GPR158: variants seen among roughly 807,000 people sequenced by gnomAD.
GPR158 encodes metabotropic glycine receptor.
Under a neutral mutation model 78.2 loss-of-function variants are expected in GPR158, and 30 were observed. That is an observed-to-expected ratio of 0.38 (90% CI 0.29 to 0.52). The LOEUF is 0.52. Ranked by LOEUF, GPR158 falls within the 20% of genes least tolerant of loss-of-function variation. The pLI is 0.83. For synonymous variants in GPR158, 581 were observed against 591.1 expected, an observed-to-expected ratio of 0.98 and a Z score of 0.25; for missense variants, 1,463 against 1,523.5, an observed-to-expected ratio of 0.96 and a Z score of 0.66.
chr10:25,507,134 G>A (rs2130664655), intron 5 of GPR158, among the ~76,000 whole-genome samples: 1 of 152,328 alleles, frequency 6.6e-6, no homozygotes, highest in African/African-American at 2.4e-5. Flanking sequence ...AGCATTGCTA[G>A]CCATAGGACA....
At chr10:25,390,508 G>A (rs753667689) in intron 2 of GPR158, among the ~76,000 whole-genome samples, 6 of 152,332 alleles carry the variant, frequency 3.9e-5, no homozygotes, top group Middle Eastern at 3.4e-3. Flanking sequence ...TTCTGCCCCT[G>A]CCCTAGAGAT....
intron 2 of GPR158, among the ~76,000 whole-genome samples, chr10:25,343,199 T>TTAGCAAAAA (rs1417769422): frequency 6.6e-6 from 1 of 151,958 alleles, no homozygotes; most frequent in East Asian, 1.9e-4. Context: ...TGTCTAGAAT[T>TTAGCAAAAA]TCCAAAATTT....
chr10:25,504,974 C>T (rs1208739141), intron 5 of GPR158, among the ~76,000 whole-genome samples: 2 of 152,180 alleles, frequency 1.3e-5, no homozygotes, highest in Non-Finnish European at 2.9e-5. Context: ...CACCTACTAG[C>T]TGTGCAGTCT....
Position 25,563,762 on chromosome 10 carries a change from C to G in GPR158, c.1515-8887C>G, listed in dbSNP as rs143856026. ...TATTGTTGCAAATTATATCTTTAAG[C>G]ATTATGAACTCATTAACACAGATTT... On this transcript the variant is annotated intron_variant, in intron 6 of 10. Coordinates refer to ENST00000376351, the MANE Select transcript of GPR158 (RefSeq NM_020752.3). Among the ~76,000 whole-genome samples, 839 of 151,860 alleles carry G rather than the reference C, an allele frequency of 5.5e-3. 4 individuals are homozygous for G. The highest frequency in any genetic ancestry group is 0.019 in the African/African-American group (797 of 41,210).
Position 25,392,315 on chromosome 10 carries a change from C to G in GPR158, c.1009-3596C>G, listed in dbSNP as rs144304641. ...GCACACAGTGTGTGGACCCCACACT[C>G]ACTCACACACCCCCACTGCTCCACA... On this transcript the variant is annotated intron_variant, in intron 2 of 10. Coordinates refer to ENST00000376351, the MANE Select transcript of GPR158 (RefSeq NM_020752.3). Among the ~76,000 whole-genome samples the G allele has an allele frequency of 1.1e-3, 160 of 152,266 alleles. 1 individual carries two copies. The highest frequency in any genetic ancestry group is 3.7e-3 in the African/African-American group (152 of 41,528).
intron 7 of GPR158, among the ~76,000 whole-genome samples, chr10:25,580,252 T>C (rs1837170518): frequency 6.6e-6 from 1 of 152,234 alleles, no homozygotes; most frequent in Non-Finnish European, 1.5e-5. Context: ...AAAGTATTAG[T>C]TTCCATGGAT....
At chr10:25,448,741 GA>G in intron 4 of GPR158, among the ~76,000 whole-genome samples, 1 of 152,240 alleles carries the variant, frequency 6.6e-6, no homozygotes, top group East Asian at 1.9e-4. Context: ...TCAATGTATG[GA>G]AATTCCATTT....
chr10:25,468,406 TG>T (rs1454923350), intron 5 of GPR158, among the ~76,000 whole-genome samples: 1 of 152,196 alleles, frequency 6.6e-6, no homozygotes, highest in Non-Finnish European at 1.5e-5. Flanking sequence ...TCCTAAACCT[TG>T]TTTTTTCTTA....
intron 5 of GPR158, among the ~76,000 whole-genome samples, chr10:25,497,653 C>A (rs4097489): frequency 0.57 from 86,882 of 151,934 alleles, 26,580 homozygotes; most frequent in African/African-American, 0.8. Context: ...CATTCATGAG[C>A]TATTAAGCAA....
intron 2 of GPR158, among the ~76,000 whole-genome samples, chr10:25,391,487 G>C (rs1485870065): frequency 1.1e-5 from 1 of 88,524 alleles, no homozygotes; most frequent in Non-Finnish European, 3.0e-5. Flanking sequence ...TGCAGTTAAA[G>C]GAGATCATTT....
intron 2 of GPR158, among the ~76,000 whole-genome samples, chr10:25,356,929 T>G (rs1855562996): frequency 6.6e-6 from 1 of 151,772 alleles, no homozygotes; most frequent in African/African-American, 2.4e-5. Context: ...TGTGGGAGAG[T>G]TTGGAATTCC....
chr10:25,492,635 T>G (rs1342174944), intron 5 of GPR158, among the ~76,000 whole-genome samples: 1 of 151,992 alleles, frequency 6.6e-6, no homozygotes, highest in Non-Finnish European at 1.5e-5. Context: ...TATATCTGCA[T>G]GTGGAGAAGG....
chr10:25,437,224 A>G (rs189235313), intron 4 of GPR158, among the ~76,000 whole-genome samples: 41 of 152,122 alleles, frequency 2.7e-4, no homozygotes, highest in African/African-American at 9.2e-4. Flanking sequence ...GTGAAATCCT[A>G]TTGGGATTTT....
intron 1 of GPR158, among the ~76,000 whole-genome samples, chr10:25,193,073 G>C (rs1448337258): frequency 6.6e-6 from 1 of 152,230 alleles, no homozygotes; most frequent in East Asian, 1.9e-4. Context: ...GGGTTTATCA[G>C]AACATAAGTT....
At chr10:25,456,377 A>G (rs563762896) in intron 4 of GPR158, among the ~76,000 whole-genome samples, 3 of 152,322 alleles carry the variant, frequency 2.0e-5, no homozygotes, top group Non-Finnish European at 4.4e-5. Flanking sequence ...TCTTTGTTTT[A>G]CACTTTTTCT....
chr10:25,418,807 G>C (rs1317359539), intron 4 of GPR158, among the ~76,000 whole-genome samples: 1 of 86,792 alleles, frequency 1.2e-5, no homozygotes, highest in East Asian at 2.2e-4. Flanking sequence ...AGCATGTTTT[G>C]AGTTTAGTAA....
At chr10:25,447,843 A>G (rs1050617566) in intron 4 of GPR158, among the ~76,000 whole-genome samples, 1 of 109,008 alleles carries the variant, frequency 9.2e-6, no homozygotes, top group African/African-American at 3.5e-5. Context: ...GAAGTGTACA[A>G]TGCAGTCAGT....
chr10:25,397,070 C>T (rs1207148258), intron 3 of GPR158, among the ~76,000 whole-genome samples: 1 of 152,136 alleles, frequency 6.6e-6, no homozygotes, highest in Non-Finnish European at 1.5e-5. Flanking sequence ...TCTTAAATGA[C>T]AGAGTATAAT....
At chr10:25,419,306 A>G (rs1417497721) in intron 4 of GPR158, among the ~76,000 whole-genome samples, 1 of 152,176 alleles carries the variant, frequency 6.6e-6, no homozygotes, top group East Asian at 1.9e-4. Flanking sequence ...ATTCATTGAT[A>G]TGGTACCATA....
Sources: gnomAD v4.1 joint callset for allele counts (sites outside exome capture counted in the v4.1 genomes callset) on GRCh38, gnomAD v4.1.1 for gene constraint, MANE v1.5 for transcripts, NCBI Gene and HGNC (gene_info 2026-07-23, HGNC 2026-07-21) for gene names.